USF3: variants seen among roughly 807,000 people sequenced by gnomAD.
USF3 encodes the protein basic helix-loop-helix domain-containing protein USF3.
USF3 carries 29 observed loss-of-function variants against 157.5 expected under a neutral mutation model. The ratio of observed to expected loss-of-function variants is 0.18; its 90% CI spans 0.14 to 0.25. The LOEUF is 0.25. USF3 is among the 10% of genes least tolerant of loss of function. The pLI, the probability that USF3 is intolerant of heterozygous loss-of-function variation, is 1.00. For missense variants in USF3, 2,381 were observed against 2,667.6 expected (o/e 0.89, Z 2.37); for synonymous variants, 893 against 941.4 (o/e 0.95, Z 0.94).
intron 2 of USF3, among the ~76,000 whole-genome samples, chr3:113,675,584 G>C (rs1477326599): frequency 6.6e-6 from 1 of 152,194 alleles, no homozygotes; most frequent in Non-Finnish European, 1.5e-5. Context: ...TCATAGTTAA[G>C]TAAGGGTAGT....
At chr3:113,665,609 T>C (rs936714245) in intron 5 of USF3, among the ~76,000 whole-genome samples, 1 of 151,080 alleles carries the variant, frequency 6.6e-6, no homozygotes, top group Non-Finnish European at 1.5e-5. Context: ...GGCAGACACT[T>C]GAGGTCAGGA....
At chr3:113,695,559 G>A (rs906737974) in intron 1 of USF3, among the ~76,000 whole-genome samples, 5 of 152,208 alleles carry the variant, frequency 3.3e-5, no homozygotes, top group Non-Finnish European at 4.4e-5. Flanking sequence ...GTGGTGTTAG[G>A]TTACTGTATC....
At chr3:113,678,694 A>G (rs866763616) in intron 1 of USF3, among the ~76,000 whole-genome samples, 3 of 152,242 alleles carry the variant, frequency 2.0e-5, no homozygotes, top group South Asian at 4.1e-4. Context: ...ATATTTACAT[A>G]ACTACAAATA....
chr3:113,655,394 T>C lies in USF3; in HGVS notation c.6288A>G (p.Pro2096=), dbSNP rs879004024. 5 of 1,614,100 alleles carry C rather than the reference T, an allele frequency of 3.1e-6. No homozygotes were observed. The South Asian group carries it at 4.4e-5, about 14-fold the overall frequency. Residue 2096 remains proline (P), a synonymous_variant, in exon 7 of 7, where the codon CCA becomes CCG. Transcript: ENST00000316407. ...TTTGCGGATCTACCGGGATGAGGGC[T>C]GGAGTTCGAGTGGCACTAGGCTGAG... The part of the protein sequence containing the change: ...QVTQPSATRT[P]ALIPVDPQNT...
At position 113,655,917 on chromosome 3, in the gene USF3, G is replaced by A; in HGVS notation, c.5765C>T (p.Pro1922Leu). Residue 1922 changes from proline to leucine, a missense_variant, in exon 7 of 7, where the codon CCC (proline) becomes CTC (leucine). Physicochemically the swap from Pro to Leu is moderately conservative, Grantham distance 98. This residue lies in a region of USF3 where 770 missense variants were observed against 824.2 expected (regional missense o/e 0.93). Transcript: ENST00000316407. ...SPNVSVQKSNPMRITESHATK... is the reference protein window; with the variant it reads ...SPNVSVQKSNLMRITESHATK... ...GGCATGACTCTCAGTAATCCTCATG[G>A]GATTGGATTTCTGTACAGAAACATT... The A allele has an allele frequency of 1.2e-6, 2 of 1,614,134 alleles. No homozygotes were observed. The highest frequency in any genetic ancestry group is 1.7e-6 in the Non-Finnish European group (2 of 1,180,020).
At chr3:113,695,303 T>C (rs1321416714) in intron 1 of USF3, among the ~76,000 whole-genome samples, 2 of 152,238 alleles carry the variant, frequency 1.3e-5, no homozygotes, top group Non-Finnish European at 2.9e-5. Context: ...AACTCTGTAC[T>C]ATGTTAAACA....
At position 113,655,438 on chromosome 3, in the gene USF3, A is replaced by C; in HGVS notation, c.6244T>G (p.Ser2082Ala). The C allele has an allele frequency of 6.2e-7, 1 of 1,614,162 alleles. No individual in the cohort carries two copies. Among genetic ancestry groups the C allele is most frequent in the Non-Finnish European group, 8.5e-7 (1 of 1,180,010 alleles). ...GMNPPINANA[S>A]FIPQVTQPSA... is the part of the protein sequence containing the mutation. ...GGCTGAGTAACCTGTGGAATGAAAGAAGCATTAGCATTTATTGGTGGATTC... is the reference window on the plus strand; with the variant it reads ...GGCTGAGTAACCTGTGGAATGAAAGCAGCATTAGCATTTATTGGTGGATTC... The change falls in exon 7 of 7, where the codon TCT (serine) becomes GCT (alanine). Residue 2082 changes from serine to alanine, a missense_variant. Physicochemically the swap from Ser to Ala is moderately conservative, Grantham distance 99. Transcript: ENST00000316407.
At chr3:113,692,028 T>C (rs1279761175) in intron 1 of USF3, among the ~76,000 whole-genome samples, 1 of 152,208 alleles carries the variant, frequency 6.6e-6, no homozygotes, top group Non-Finnish European at 1.5e-5. Flanking sequence ...CTGTTCCATC[T>C]ATCTCAGGCA....
intron 1 of USF3, among the ~76,000 whole-genome samples, chr3:113,682,181 C>A (rs902857679): frequency 1.3e-5 from 2 of 152,040 alleles, no homozygotes; most frequent in African/African-American, 4.8e-5. Context: ...AAAAATTATC[C>A]AGATAAGGTG....
At chr3:113,694,399 T>A (rs1707757939) in intron 1 of USF3, among the ~76,000 whole-genome samples, 1 of 152,238 alleles carries the variant, frequency 6.6e-6, no homozygotes, top group South Asian at 2.1e-4. Flanking sequence ...GTCTACAACC[T>A]TAGAATTTTA....
rs1158931090 is a variant in USF3 at position 113,661,130 on chromosome 3, C to G, written c.552G>C (p.Val184=). Reference sequence around the variant, plus strand: ...CAAGATTGCAAGTCCTCTGTACTGGCACCACATTGGCGGTCTGCTTTTGTA... The same window carrying G: ...CAAGATTGCAAGTCCTCTGTACTGGGACCACATTGGCGGTCTGCTTTTGTA... The part of the protein sequence containing the change: ...HNLQKQTANV[V]PVQRTCNLVT... Residue 184 remains valine, a synonymous_variant, in exon 7 of 7, where the codon GTG becomes GTC. Coordinates refer to ENST00000316407, the MANE Select transcript of USF3 (RefSeq NM_001009899.4). 6.2e-7 allele frequency: 1 copy of G among 1,614,052 alleles called. No homozygotes were observed. The highest frequency in any genetic ancestry group is 8.5e-7 in the Non-Finnish European group (1 of 1,180,016).
chr3:113,656,195 A>T lies in USF3; in HGVS notation c.5487T>A (p.Ser1829Arg), dbSNP rs1405627216. ...FMQSLLAPHL[S>R]DQVIGSQRSL... Reference sequence around the variant, plus strand: ...ACCTCTGGCTCCCAATGACCTGATCACTGAGGTGAGGGGCAAGTAAGCTCT... The same window carrying T: ...ACCTCTGGCTCCCAATGACCTGATCTCTGAGGTGAGGGGCAAGTAAGCTCT... The change falls in exon 7 of 7, where the codon AGT becomes AGA. Residue 1829 changes from serine to arginine, a missense_variant. Transcript: ENST00000316407. The T allele has an allele frequency of 3.1e-6, 5 of 1,614,092 alleles. No homozygotes were observed. The highest frequency in any genetic ancestry group is 4.2e-6 in the Non-Finnish European group (5 of 1,180,000).
At chr3:113,692,090 G>A (rs930386210) in intron 1 of USF3, among the ~76,000 whole-genome samples, 5 of 152,146 alleles carry the variant, frequency 3.3e-5, no homozygotes, top group African/African-American at 1.2e-4. Flanking sequence ...GTGTGGTTCA[G>A]AATAGGGCTC....
chr3:113,676,891 T>C (rs1279495178), intron 2 of USF3, among the ~76,000 whole-genome samples: 1 of 152,210 alleles, frequency 6.6e-6, no homozygotes, highest in Non-Finnish European at 1.5e-5. Flanking sequence ...TATTACATTA[T>C]TGGATTGTTC....
At position 113,661,221 on chromosome 3, in the gene USF3, T is replaced by C. The variant is rs1183955928; in HGVS notation, c.461A>G (p.Asn154Ser). 6.2e-7 allele frequency: 1 copy of C among 1,613,924 alleles called. No homozygotes were observed. Among genetic ancestry groups the C allele is most frequent in the Non-Finnish European group, 8.5e-7 (1 of 1,179,928 alleles). Residue 154 changes from asparagine (N) to serine (S), a missense_variant, in exon 7 of 7, where the codon AAT becomes AGT. Transcript: ENST00000316407. ...TCCCTGGCTGTTTCCACCAGGCTGA[T>C]TCCCGTTGGAATAAACAATAATTTT... ...QKKIIVYSNG[N>S]QPGGNSQGTA...
intron 2 of USF3, among the ~76,000 whole-genome samples, chr3:113,675,801 C>T (rs950439796): frequency 6.6e-6 from 1 of 152,184 alleles, no homozygotes; most frequent in African/African-American, 2.4e-5. Context: ...TGGAAACTTA[C>T]AATCATGGTG....
Position 113,696,628 on chromosome 3 carries a change from G to A in USF3, c.-393C>T, listed in dbSNP as rs932737391. 2 of 149,930 alleles carry A rather than the reference G, an allele frequency of 1.3e-5. No individual in the cohort carries two copies. Among genetic ancestry groups the A allele is most frequent in the South Asian group, 2.1e-4 (1 of 4,734 alleles). The allele number at this position is 149,930 out of a possible 1,614,324, so 9.3% of individuals were successfully genotyped here. On this transcript the variant is annotated 5_prime_UTR_variant, in exon 1 of 7. Transcript: ENST00000316407. Reference sequence around the variant, plus strand: ...AAGGCCGGAGACCCGGCGGCAGCGCGGCCTCAACTTTCCCAGCCCCCCTCC... The same window carrying A: ...AAGGCCGGAGACCCGGCGGCAGCGCAGCCTCAACTTTCCCAGCCCCCCTCC...
rs936259508 is a variant in USF3, at chr3:113,660,866, G to A, written c.816C>T (p.His272=). Residue 272 remains histidine (H), a synonymous_variant, in exon 7 of 7, where the codon CAC becomes CAT. Coordinates refer to ENST00000316407, the MANE Select transcript of USF3 (RefSeq NM_001009899.4). ...ESEPHQHHSL[H]TCLNDQNSSE... is the part of the protein sequence containing the mutation. Reference sequence around the variant, plus strand: ...AAGAATTTTGATCATTTAGGCATGTGTGCAAAGAATGATGTTGGTGAGGCT... The same window carrying A: ...AAGAATTTTGATCATTTAGGCATGTATGCAAAGAATGATGTTGGTGAGGCT... 5 of 1,614,006 alleles carry A rather than the reference G, an allele frequency of 3.1e-6. No homozygotes were observed. In the African/African-American group the frequency reaches 4.0e-5, roughly 13 times the overall value.
chr3:113,691,760 T>C (rs1707689895), intron 1 of USF3, among the ~76,000 whole-genome samples: 1 of 152,200 alleles, frequency 6.6e-6, no homozygotes, highest in Non-Finnish European at 1.5e-5. Context: ...ATTCAATCTC[T>C]ATTGTTTATA....
Sources: allele counts gnomAD v4.1 joint callset (sites outside exome capture counted in the v4.1 genomes callset), GRCh38; gene constraint gnomAD v4.1.1; regional missense constraint gnomAD v4.1.1; transcripts MANE v1.5; gene names NCBI Gene and HGNC (gene_info 2026-07-23, HGNC 2026-07-21).